The following SORCS3 variants were observed in gnomAD, a reference collection of about 807,000 sequenced individuals.
SORCS3 encodes the protein sortilin related VPS10 domain containing receptor 3, also known as VPS10 domain-containing receptor SorCS3.
In SORCS3, 57 loss-of-function variants were observed where a neutral mutation model predicts 146.3. That is an observed-to-expected ratio of 0.39 (90% CI 0.31 to 0.49). The LOEUF (loss-of-function observed/expected upper bound fraction) is 0.49. Among genes scored for constraint, SORCS3 ranks in the 20% least tolerant of loss-of-function variants. SORCS3 has a pLI of 0.92. For missense variants in SORCS3, 1,341 were observed against 1,575.5 expected, an observed-to-expected ratio of 0.85 and a Z score of 2.52; for synonymous variants, 653 against 618.5, an observed-to-expected ratio of 1.06 and a Z score of -0.83.
At chr10:104,806,160 C>G (rs2017677826) in intron 1 of SORCS3, among the ~76,000 whole-genome samples, 1 of 152,158 alleles carries the variant, frequency 6.6e-6, no homozygotes, top group South Asian at 2.1e-4. Context: ...GACCACATGG[C>G]TAGTAATTTA....
At chr10:104,745,764 G>A (rs1453234289) in intron 1 of SORCS3, among the ~76,000 whole-genome samples, 1 of 151,980 alleles carries the variant, frequency 6.6e-6, no homozygotes, top group Non-Finnish European at 1.5e-5. Flanking sequence ...CCAGACACCA[G>A]CATTTCACTC....
intron 2 of SORCS3, among the ~76,000 whole-genome samples, chr10:104,857,523 C>T (rs1219080954): frequency 1.3e-5 from 2 of 152,146 alleles, no homozygotes; most frequent in African/African-American, 2.4e-5. Context: ...TGTGCTTATT[C>T]ATCTGCCAGC....
rs201565055 is a variant in SORCS3, at chr10:104,742,672, G to C, written c.628-100120G>C. 5.9e-5 allele frequency among the ~76,000 whole-genome samples: 9 copies of C among 152,172 alleles called. No individual in the cohort carries two copies. In the East Asian group the frequency reaches 1.5e-3, roughly 26 times the overall value. On this transcript the variant is annotated intron_variant, in intron 1 of 26. Transcript: ENST00000369701. ...GGTATTAACATCAGAGCCAGGTCTG[G>C]GCCCCATCCAGCAGACCTCTGGACA...
chr10:104,872,535 T>C (rs1366796681), intron 2 of SORCS3, among the ~76,000 whole-genome samples: 5 of 150,852 alleles, frequency 3.3e-5, no homozygotes, highest in Admixed American at 6.6e-5. Flanking sequence ...ATTCAGAAAG[T>C]TGGAGATGGG....
chr10:104,997,263 T>C (rs1053771780), intron 4 of SORCS3, among the ~76,000 whole-genome samples: 1 of 152,196 alleles, frequency 6.6e-6, no homozygotes, highest in African/African-American at 2.4e-5. Context: ...ACTGTCTATA[T>C]TAAAGTAACA....
intron 9 of SORCS3, among the ~76,000 whole-genome samples, chr10:105,151,833 A>G (rs2056169763): frequency 6.6e-6 from 1 of 152,110 alleles, no homozygotes; most frequent in Non-Finnish European, 1.5e-5. Context: ...TTCAAAGTAC[A>G]ATGTTGTCAT....
intron 3 of SORCS3, among the ~76,000 whole-genome samples, chr10:104,931,975 G>A (rs1468546569): frequency 6.6e-6 from 1 of 152,146 alleles, no homozygotes; most frequent in Admixed American, 6.5e-5. Context: ...CTCCACTCTG[G>A]ACCTTTGGAG....
At chr10:104,658,964 A>G (rs1057514604) in intron 1 of SORCS3, among the ~76,000 whole-genome samples, 1 of 152,082 alleles carries the variant, frequency 6.6e-6, no homozygotes, top group South Asian at 2.1e-4. Flanking sequence ...GTCGGTCAAC[A>G]TCTGAGACTC....
At chr10:105,197,176 A>G (rs185617472) in intron 14 of SORCS3, among the ~76,000 whole-genome samples, 2 of 152,282 alleles carry the variant, frequency 1.3e-5, no homozygotes, top group East Asian at 3.9e-4. Flanking sequence ...CTTTTCCCAC[A>G]TAAGGTCACA....
intron 4 of SORCS3, among the ~76,000 whole-genome samples, chr10:105,002,477 G>T (rs1236292974): frequency 1.3e-5 from 2 of 152,178 alleles, no homozygotes; most frequent in Non-Finnish European, 2.9e-5. Context: ...CACTGAGCCG[G>T]GGTATAAGGG....
chr10:105,199,730 A>G (rs943711377), intron 14 of SORCS3, among the ~76,000 whole-genome samples: 6 of 152,170 alleles, frequency 3.9e-5, no homozygotes, highest in Non-Finnish European at 5.9e-5. Flanking sequence ...TGGGCTTTTT[A>G]TATTTTAAAT....
At chr10:104,973,231 C>T (rs1369466305) in intron 3 of SORCS3, among the ~76,000 whole-genome samples, 2 of 151,942 alleles carry the variant, frequency 1.3e-5, no homozygotes, top group Non-Finnish European at 2.9e-5. Context: ...GGGAGGATTC[C>T]CTCTTTTTCT....
At chr10:104,810,346 A>G (rs987440405) in intron 1 of SORCS3, among the ~76,000 whole-genome samples, 7 of 152,314 alleles carry the variant, frequency 4.6e-5, no homozygotes, top group Admixed American at 2.0e-4. Context: ...TGAACACTTT[A>G]TATAAAGATT....
chr10:104,873,853 G>A (rs754666680), intron 2 of SORCS3, among the ~76,000 whole-genome samples: 39 of 152,250 alleles, frequency 2.6e-4, no homozygotes, highest in Admixed American at 1.4e-3. Flanking sequence ...TCAGCAAAGG[G>A]CCCTGTGGTA....
chr10:104,751,678 T>A (rs1022729744), intron 1 of SORCS3, among the ~76,000 whole-genome samples: 2 of 151,810 alleles, frequency 1.3e-5, no homozygotes, highest in Non-Finnish European at 2.9e-5. Context: ...AAAATCAGGA[T>A]CCCTTTCATT....
intron 19 of SORCS3, chr10:105,217,896 T>C (rs2056675055): frequency 2.2e-6 from 1 of 454,012 alleles, no homozygotes; most frequent in Non-Finnish European, 4.4e-6. Flanking sequence ...TTCCCACATG[T>C]GTATCAGTGA....
intron 14 of SORCS3, among the ~76,000 whole-genome samples, chr10:105,189,499 G>T (rs1289512775): frequency 1.3e-5 from 2 of 152,192 alleles, no homozygotes; most frequent in Admixed American, 1.3e-4. Flanking sequence ...GCAGGAGCCT[G>T]GGAGAAAAGG....
chr10:105,050,706 G>C (rs915422737), intron 5 of SORCS3, among the ~76,000 whole-genome samples: 6 of 152,200 alleles, frequency 3.9e-5, no homozygotes, highest in African/African-American at 1.4e-4. Flanking sequence ...GTTGTTTTTA[G>C]CTCCTAAGTT....
At position 105,120,948 on chromosome 10, in the gene SORCS3, C is replaced by T. The variant is rs189221309; in HGVS notation, c.1212+15433C>T. ...GTGGTGGTAAGCGTGCTGTGCAGTT[C>T]ATTTTGCAAGAAGGGTGGCACTCAT... On this transcript the variant is annotated intron_variant, in intron 7 of 26. Coordinates refer to ENST00000369701, the MANE Select transcript of SORCS3 (RefSeq NM_014978.3). Among the ~76,000 whole-genome samples the T allele has an allele frequency of 2.5e-3, 373 of 152,228 alleles. 1 individual carries two copies. Among genetic ancestry groups the T allele is most frequent in the Admixed American group, 3.9e-3 (60 of 15,302 alleles).
Sources: allele counts gnomAD v4.1 joint callset (sites outside exome capture counted in the v4.1 genomes callset), GRCh38; gene constraint gnomAD v4.1.1; transcripts MANE v1.5; gene names NCBI Gene and HGNC (gene_info 2026-07-23, HGNC 2026-07-21).